STXBP6: variants seen among roughly 807,000 people sequenced by gnomAD.
STXBP6 encodes syntaxin-binding protein 6.
Under a neutral mutation model 26.9 loss-of-function variants are expected in STXBP6, and 21 were observed. The observed-to-expected ratio is 0.78, with a 90% CI of 0.55 to 1.12. The LOEUF is 1.12. Ranked by LOEUF, STXBP6 falls within the 50% of genes most tolerant of loss-of-function variation. The pLI is 0.00. For synonymous variants in STXBP6, 97 were observed against 92.6 expected (o/e 1.05, Z -0.27); for missense variants, 232 against 257.9 (o/e 0.90, Z 0.69).
chr14:24,814,072 C>T (rs2067899109), intron 5 of STXBP6, among the ~76,000 whole-genome samples: 1 of 152,214 alleles, frequency 6.6e-6, no homozygotes, highest in African/African-American at 2.4e-5. Context: ...TTCTGCAATG[C>T]TAACGCCAAT....
intron 2 of STXBP6, among the ~76,000 whole-genome samples, chr14:24,908,697 C>G (rs2071466509): frequency 6.6e-6 from 1 of 152,204 alleles, no homozygotes; most frequent in African/African-American, 2.4e-5. Flanking sequence ...CAAAACAGAA[C>G]CGAAACTTGT....
At chr14:24,870,799 A>T (rs948639863) in intron 2 of STXBP6, among the ~76,000 whole-genome samples, 1 of 152,160 alleles carries the variant, frequency 6.6e-6, no homozygotes, top group African/African-American at 2.4e-5. Flanking sequence ...GTGGTCCTCC[A>T]TTGACCCTAG....
intron 2 of STXBP6, among the ~76,000 whole-genome samples, chr14:24,917,924 G>A (rs1159714972): frequency 6.6e-6 from 1 of 152,054 alleles, no homozygotes; most frequent in Non-Finnish European, 1.5e-5. Context: ...CAGGAACACA[G>A]TCCTCAAGGT....
At chr14:24,929,273 A>G (rs1160809590) in intron 2 of STXBP6, among the ~76,000 whole-genome samples, 1 of 152,202 alleles carries the variant, frequency 6.6e-6, no homozygotes, top group African/African-American at 2.4e-5. Flanking sequence ...CAGTCTTCCA[A>G]TTCTCTGGAC....
chr14:24,817,920 G>A (rs529224682), intron 5 of STXBP6: 5 of 394,346 alleles, frequency 1.3e-5, no homozygotes, highest in African/African-American at 1.0e-4. Context: ...AGGGGATGCA[G>A]GAAGAGAAGG....
chr14:24,879,185 T>TCAAA (rs1468850761), intron 2 of STXBP6, among the ~76,000 whole-genome samples: 1 of 152,180 alleles, frequency 6.6e-6, no homozygotes, highest in East Asian at 1.9e-4. Context: ...ATCATTCCTA[T>TCAAA]CAAACAATGA....
At chr14:24,903,084 A>C (rs1161010334) in intron 2 of STXBP6, among the ~76,000 whole-genome samples, 2 of 152,228 alleles carry the variant, frequency 1.3e-5, no homozygotes, top group Admixed American at 1.3e-4. Context: ...GTGATCATTT[A>C]GCAGAGGATT....
At position 24,986,021 on chromosome 14, in the gene STXBP6, T is replaced by C. The variant is rs1162509142; in HGVS notation, c.-32-11171A>G. On this transcript the variant is annotated intron_variant, in intron 1 of 5. Transcript: ENST00000323944. ...GAGAAACATGAAATGATAATGTAAA[T>C]AGTAGAGCAGTGCCGAATTTGTGGA... 4.6e-5 allele frequency among the ~76,000 whole-genome samples: 7 copies of C among 152,200 alleles called. No individual in the cohort carries two copies. In the South Asian group the frequency reaches 1.2e-3, roughly 27 times the overall value.
At chr14:24,876,548 G>A (rs2070150544) in intron 2 of STXBP6, among the ~76,000 whole-genome samples, 1 of 152,012 alleles carries the variant, frequency 6.6e-6, no homozygotes, top group Non-Finnish European at 1.5e-5. Flanking sequence ...ATTAGTATGG[G>A]GCAGCACAAG....
chr14:24,828,945 T>G (rs2068371529), intron 4 of STXBP6, among the ~76,000 whole-genome samples: 1 of 152,120 alleles, frequency 6.6e-6, no homozygotes, highest in South Asian at 2.1e-4. Flanking sequence ...TGGGCGTATG[T>G]GAAGAATATA....
Position 25,005,869 on chromosome 14 carries a change from G to T in STXBP6, c.-32-31019C>A, listed in dbSNP as rs144406262. On this transcript the variant is annotated intron_variant, in intron 1 of 5. Transcript: ENST00000323944. ...AACATGTAAAAATGTATATTACAGG[G>T]AAAGATTTTGGACAATCGCACAGAG... 9.9e-4 allele frequency among the ~76,000 whole-genome samples: 150 copies of T among 151,890 alleles called. No homozygotes were observed. The East Asian group carries it at 0.019, about 19-fold the overall frequency.
At chr14:24,833,610 T>C (rs1324163704) in intron 4 of STXBP6, among the ~76,000 whole-genome samples, 3 of 152,238 alleles carry the variant, frequency 2.0e-5, no homozygotes, top group Admixed American at 2.0e-4. Context: ...CTTATTTTCA[T>C]TGGCATTCAT....
intron 2 of STXBP6, among the ~76,000 whole-genome samples, chr14:24,968,048 G>A (rs1407746253): frequency 6.6e-6 from 1 of 151,640 alleles, no homozygotes; most frequent in Non-Finnish European, 1.5e-5. Context: ...CAATAAATAG[G>A]GATGCTGCAG....
At chr14:24,881,612 G>T (rs1478622094) in intron 2 of STXBP6, among the ~76,000 whole-genome samples, 1 of 152,170 alleles carries the variant, frequency 6.6e-6, no homozygotes, top group Non-Finnish European at 1.5e-5. Flanking sequence ...GTGCTAGACT[G>T]GAGTTTACAT....
rs578092001 is a variant in STXBP6 at position 25,042,356 on chromosome 14, G to A, written c.-33+7522C>T. 5.3e-5 allele frequency among the ~76,000 whole-genome samples: 8 copies of A among 152,316 alleles called. No homozygotes were observed. The East Asian group carries it at 1.2e-3, about 22-fold the overall frequency. ...GCCAGTCCCAAAAGCAACAGAGGAAGCAGAGGCTGGTGAGGGCAAGGGGCA... is the reference window on the plus strand; with the variant it reads ...GCCAGTCCCAAAAGCAACAGAGGAAACAGAGGCTGGTGAGGGCAAGGGGCA... On this transcript the variant is annotated intron_variant, in intron 1 of 5. Transcript: ENST00000323944.
chr14:24,869,765 A>T (rs1422867015), intron 2 of STXBP6, among the ~76,000 whole-genome samples: 1 of 152,184 alleles, frequency 6.6e-6, no homozygotes, highest in Non-Finnish European at 1.5e-5. Flanking sequence ...CTTACAGCCT[A>T]AAGTAGAGAT....
chr14:24,930,108 G>A (rs974842848), intron 2 of STXBP6, among the ~76,000 whole-genome samples: 4 of 152,240 alleles, frequency 2.6e-5, no homozygotes, highest in Non-Finnish European at 4.4e-5. Flanking sequence ...CTGTTAGCTT[G>A]CAACGAATCC....
chr14:24,955,326 T>C (rs1468268327), intron 2 of STXBP6, among the ~76,000 whole-genome samples: 1 of 152,134 alleles, frequency 6.6e-6, no homozygotes, highest in Non-Finnish European at 1.5e-5. Context: ...GATGCCCAAG[T>C]ATCCACAGGC....
At chr14:24,935,577 G>T (rs1414319808) in intron 2 of STXBP6, among the ~76,000 whole-genome samples, 2 of 152,074 alleles carry the variant, frequency 1.3e-5, no homozygotes, top group Middle Eastern at 3.2e-3. Context: ...TCAAAAGGAT[G>T]ATTGATATTA....
Sources: allele counts gnomAD v4.1 joint callset (sites outside exome capture counted in the v4.1 genomes callset), GRCh38; gene constraint gnomAD v4.1.1; transcripts MANE v1.5; gene names NCBI Gene and HGNC (gene_info 2026-07-23, HGNC 2026-07-21).